Variants in RANBP10 observed in about 807,000 individuals in gnomAD.
RANBP10 encodes RAN binding protein 10.
In RANBP10, 24 loss-of-function variants were observed where a neutral mutation model predicts 72.8. The observed-to-expected ratio is 0.33, with a 90% CI of 0.24 to 0.46. The LOEUF is 0.46. RANBP10 is among the 20% of genes least tolerant of loss of function. RANBP10 has a pLI of 1.00. For synonymous variants in RANBP10, 310 were observed against 322.3 expected (o/e 0.96, Z 0.41); for missense variants, 679 against 817.5 (o/e 0.83, Z 2.07).
intron 3 of RANBP10, among the ~76,000 whole-genome samples, chr16:67,766,425 G>A (rs1215457048): frequency 2.0e-5 from 3 of 152,146 alleles, no homozygotes; most frequent in Admixed American, 6.5e-5. Context: ...TCTCAATGAT[G>A]GAATGGAGCC....
chr16:67,776,461 CAAAAAAA>C lies in RANBP10; in HGVS notation c.348-4382_348-4376del, dbSNP rs149876935. Among the ~76,000 whole-genome samples, 11 of 37,894 alleles carry C rather than the reference CAAAAAAA, an allele frequency of 2.9e-4. No individual in the cohort carries two copies. In the East Asian group the frequency reaches 3.2e-3, roughly 11 times the overall value. The allele number at this position is 37,894 out of a possible 152,430, so 24.9% of individuals were successfully genotyped here. A position where few individuals can be genotyped will look rare whatever the true frequency, so the allele number is the denominator to read the frequency against. On this transcript the variant is annotated intron_variant, in intron 2 of 13. Coordinates refer to ENST00000317506, the MANE Select transcript of RANBP10 (RefSeq NM_020850.3). ...CGGACAACAGACACGGACTCCATCT[CAAAAAAA>C]AAAAAAAAAAAAAAAAAAGAATTGG... is the stretch of plus-strand genomic sequence containing the variant.
Position 67,799,206 on chromosome 16 carries a change from G to T in RANBP10, c.347+6222C>A, listed in dbSNP as rs188694258. Among the ~76,000 whole-genome samples, 44 of 151,838 alleles carry T rather than the reference G, an allele frequency of 2.9e-4. 3 individuals are homozygous for T. The highest frequency in any genetic ancestry group is 2.8e-3 in the Admixed American group (42 of 15,238). ...CCGCCTCAGTCTCCTAAAGTACTGGGATTACAGGCATGAGCCAGGCCACAC... is the reference window on the plus strand; with the variant it reads ...CCGCCTCAGTCTCCTAAAGTACTGGTATTACAGGCATGAGCCAGGCCACAC... On this transcript the variant is annotated intron_variant, in intron 2 of 13. Coordinates refer to ENST00000317506, the MANE Select transcript of RANBP10 (RefSeq NM_020850.3).
chr16:67,736,617 C>T (rs1374942973), intron 5 of RANBP10, among the ~76,000 whole-genome samples: 1 of 152,212 alleles, frequency 6.6e-6, no homozygotes, highest in Non-Finnish European at 1.5e-5. Context: ...GCAAGCCTTC[C>T]TGACCGTCAC....
intron 2 of RANBP10, among the ~76,000 whole-genome samples, chr16:67,783,531 T>C (rs1597903580): frequency 6.6e-6 from 1 of 152,286 alleles, no homozygotes; most frequent in African/African-American, 2.4e-5. Flanking sequence ...TCTCAGACAC[T>C]CCAGCCTAAT....
chr16:67,726,768 G>A (rs1472006886), intron 13 of RANBP10, among the ~76,000 whole-genome samples: 1 of 152,230 alleles, frequency 6.6e-6, no homozygotes, highest in Non-Finnish European at 1.5e-5. Flanking sequence ...AGAGCGCTGG[G>A]CTGGCCTGGG....
intron 2 of RANBP10, among the ~76,000 whole-genome samples, chr16:67,802,286 A>G (rs1240323887): frequency 1.3e-5 from 2 of 152,184 alleles, no homozygotes; most frequent in Non-Finnish European, 2.9e-5. Context: ...TTGCCATCTG[A>G]CAGTGGTCAA....
intron 2 of RANBP10, among the ~76,000 whole-genome samples, chr16:67,782,429 T>C (rs1387712116): frequency 1.3e-5 from 2 of 151,824 alleles, no homozygotes; most frequent in Non-Finnish European, 2.9e-5. Flanking sequence ...ACCCAGCCAA[T>C]TATTTTATTT....
At chr16:67,800,012 T>C (rs1168601078) in intron 2 of RANBP10, among the ~76,000 whole-genome samples, 1 of 152,048 alleles carries the variant, frequency 6.6e-6, no homozygotes, top group Non-Finnish European at 1.5e-5. Context: ...TCCCAGCTAC[T>C]CGGGAGGGTG....
chr16:67,799,729 T>C (rs1414696364), intron 2 of RANBP10, among the ~76,000 whole-genome samples: 2 of 152,072 alleles, frequency 1.3e-5, no homozygotes, highest in Non-Finnish European at 2.9e-5. Flanking sequence ...AACTCTGAGG[T>C]ACAGTCCATC....
At chr16:67,765,647 T>C (rs562535181) in intron 3 of RANBP10, among the ~76,000 whole-genome samples, 35 of 151,792 alleles carry the variant, frequency 2.3e-4, no homozygotes, top group Non-Finnish European at 4.1e-4. Context: ...CCATCCTGGC[T>C]AACACGGTGA....
chr16:67,737,535 C>T (rs1162704017), intron 5 of RANBP10, among the ~76,000 whole-genome samples: 2 of 151,968 alleles, frequency 1.3e-5, no homozygotes, highest in Non-Finnish European at 2.9e-5. Flanking sequence ...AAGAGAAGAC[C>T]CCACAAAGCT....
At chr16:67,751,051 C>T (rs975811501) in intron 3 of RANBP10, among the ~76,000 whole-genome samples, 1 of 152,160 alleles carries the variant, frequency 6.6e-6, no homozygotes, top group Non-Finnish European at 1.5e-5. Flanking sequence ...CAGGCGTGAG[C>T]CACCACGCCC....
At chr16:67,751,654 G>A (rs768534004) in intron 3 of RANBP10, among the ~76,000 whole-genome samples, 8 of 151,990 alleles carry the variant, frequency 5.3e-5, no homozygotes, top group Non-Finnish European at 1.2e-4. Context: ...AGTGGCTCAC[G>A]CCTATAATCC....
At chr16:67,782,651 A>G (rs922550702) in intron 2 of RANBP10, among the ~76,000 whole-genome samples, 10 of 151,612 alleles carry the variant, frequency 6.6e-5, no homozygotes, top group Non-Finnish European at 1.2e-4. Context: ...ATGGGGTTTC[A>G]CTATATGTTG....
chr16:67,749,613 G>T (rs2054156682), intron 3 of RANBP10, among the ~76,000 whole-genome samples: 1 of 152,204 alleles, frequency 6.6e-6, no homozygotes, highest in Non-Finnish European at 1.5e-5. Context: ...CCCAGCAGTG[G>T]GAGAGGCCTT....
chr16:67,727,413 G>A lies in RANBP10; in HGVS notation c.1646C>T (p.Ser549Leu). The A allele has an allele frequency of 6.2e-7, 1 of 1,613,948 alleles. No individual in the cohort carries two copies. The highest frequency in any genetic ancestry group is 8.5e-7 in the Non-Finnish European group (1 of 1,179,912). ...LQDAFSLLAYSDPWSCPVGQQ... is the reference protein window; with the variant it reads ...LQDAFSLLAYLDPWSCPVGQQ... The stretch of plus-strand genomic sequence containing the variant: ...GCCAACTGGGCAGCTCCAGGGGTCT[G>A]AGTATGCCAGCAGGCTGAAGGCATC... Residue 549 changes from serine to leucine, a missense_variant, in exon 13 of 14, where the codon TCA becomes TTA. Physicochemically the swap from Ser to Leu is moderately radical, Grantham distance 145. Coordinates refer to ENST00000317506, the MANE Select transcript of RANBP10 (RefSeq NM_020850.3).
rs1328843392 is a variant in RANBP10 at position 67,723,892 on chromosome 16, T to A, written c.*2536A>T. 1 of 152,642 alleles carries A rather than the reference T, an allele frequency of 6.6e-6. No individual in the cohort carries two copies. The highest frequency in any genetic ancestry group is 1.5e-5 in the Non-Finnish European group (1 of 68,208). 9.5% of individuals were successfully genotyped at this position (152,642 alleles called of 1,614,324 possible). A position where few individuals can be genotyped will look rare whatever the true frequency, so the allele number is the denominator to read the frequency against. ...AGCAAGAGAGTGGGCTCAAGCAGCT[T>A]GGTTTTGGCCCTCTCCACAGCTTGT... On this transcript the variant is annotated 3_prime_UTR_variant, in exon 14 of 14. Coordinates refer to ENST00000317506, the MANE Select transcript of RANBP10 (RefSeq NM_020850.3).
chr16:67,731,496 G>T lies in RANBP10; in HGVS notation c.865C>A (p.Gln289Lys). 6.2e-7 allele frequency: 1 copy of T among 1,613,924 alleles called. No homozygotes were observed. Among genetic ancestry groups the T allele is most frequent in the Non-Finnish European group, 8.5e-7 (1 of 1,179,770 alleles). ...RMTETPIQEEQASIKNRQKIQ... is the reference protein window; with the variant it reads ...RMTETPIQEEKASIKNRQKIQ... ...CTTTGTCTGTTCTTTATGGACGCCTGTTCTTCCTGAATCGGGGTTTCAGTC... is the reference window on the plus strand; with the variant it reads ...CTTTGTCTGTTCTTTATGGACGCCTTTTCTTCCTGAATCGGGGTTTCAGTC... Residue 289 changes from glutamine to lysine, a missense_variant, in exon 7 of 14, where the codon CAG becomes AAG. Gln to Lys is a moderately conservative substitution (Grantham distance 53). Transcript: ENST00000317506.
chr16:67,782,438 T>A (rs1037858226), intron 2 of RANBP10, among the ~76,000 whole-genome samples: 1 of 151,818 alleles, frequency 6.6e-6, no homozygotes, highest in Non-Finnish European at 1.5e-5. Flanking sequence ...ATTATTTTAT[T>A]TTATATTTTA....
Sources: gnomAD v4.1 joint callset for allele counts (sites outside exome capture counted in the v4.1 genomes callset) on GRCh38, gnomAD v4.1.1 for gene constraint, MANE v1.5 for transcripts, NCBI Gene and HGNC (gene_info 2026-07-23, HGNC 2026-07-21) for gene names.